The following TNR variants were observed in gnomAD, a reference collection of about 807,000 sequenced individuals.
TNR encodes the protein tenascin-R.
TNR carries 45 observed loss-of-function variants against 150.4 expected under a neutral mutation model. The observed-to-expected ratio is 0.30, with a 90% CI of 0.24 to 0.38. The LOEUF (loss-of-function observed/expected upper bound fraction) is 0.38. Ranked by LOEUF, TNR falls within the 10% of genes least tolerant of loss-of-function variation. The pLI, the probability that TNR is intolerant of heterozygous loss-of-function variation, is 1.00. For synonymous variants in TNR, 687 were observed against 678.4 expected (o/e 1.01, Z -0.20); for missense variants, 1,544 against 1,759.1 (o/e 0.88, Z 2.19).
chr1:175,607,112 A>G (rs1663434402), intron 1 of TNR, among the ~76,000 whole-genome samples: 1 of 152,214 alleles, frequency 6.6e-6, no homozygotes, highest in Admixed American at 6.5e-5. Context: ...TTAACAAAAC[A>G]TCCATCTATC....
At chr1:175,697,591 T>C (rs1173190824) in intron 1 of TNR, among the ~76,000 whole-genome samples, 1 of 152,164 alleles carries the variant, frequency 6.6e-6, no homozygotes, top group Non-Finnish European at 1.5e-5. Context: ...CCTTCTTTAC[T>C]GCACTTTGAT....
intron 1 of TNR, among the ~76,000 whole-genome samples, chr1:175,541,075 A>G (rs1660482832): frequency 6.6e-6 from 1 of 152,130 alleles, no homozygotes. Context: ...ATCTGCATAG[A>G]AACACCAGCC....
chr1:175,357,804 C>A (rs183008172), intron 15 of TNR, among the ~76,000 whole-genome samples: 3 of 152,322 alleles, frequency 2.0e-5, no homozygotes, highest in Non-Finnish European at 2.9e-5. Flanking sequence ...TTCTCTGCAA[C>A]ATCATTAGAA....
intron 9 of TNR, among the ~76,000 whole-genome samples, chr1:175,368,962 C>A (rs1488430962): frequency 6.6e-6 from 1 of 151,982 alleles, no homozygotes; most frequent in Non-Finnish European, 1.5e-5. Flanking sequence ...AAAACAAAAA[C>A]AAACAAACAA....
rs563985234 is a variant in TNR, at chr1:175,318,563, T to C, written c.*4794A>G. ...CTCATCTGGACTGGTAGTGTCCAAA[T>C]GACCCAGTATTGTTGAAGAAAGCTT... On this transcript the variant is annotated 3_prime_UTR_variant, in exon 23 of 23. Coordinates refer to ENST00000367674, the MANE Select transcript of TNR (RefSeq NM_003285.3). 6.6e-6 allele frequency: 1 copy of C among 152,252 alleles called. No individual in the cohort carries two copies. Among genetic ancestry groups the C allele is most frequent in the Non-Finnish European group, 1.5e-5 (1 of 68,050 alleles). 9.4% of individuals were successfully genotyped at this position (152,252 alleles called of 1,614,324 possible).
intron 2 of TNR, among the ~76,000 whole-genome samples, chr1:175,438,493 A>G (rs567881043): frequency 1.3e-5 from 2 of 152,058 alleles, no homozygotes; most frequent in Non-Finnish European, 2.9e-5. Context: ...CTCTCTCACC[A>G]CTCCTATTCA....
chr1:175,437,958 A>T (rs913761653), intron 2 of TNR, among the ~76,000 whole-genome samples: 1 of 152,242 alleles, frequency 6.6e-6, no homozygotes, highest in African/African-American at 2.4e-5. Flanking sequence ...TACAAGGAGG[A>T]GCTGGTACCA....
intron 2 of TNR, among the ~76,000 whole-genome samples, chr1:175,500,085 G>C (rs1658667817): frequency 6.6e-6 from 1 of 152,170 alleles, no homozygotes; most frequent in Non-Finnish European, 1.5e-5. Context: ...CTTGAGACTT[G>C]AACCAAATGG....
chr1:175,683,142 G>T lies in TNR; in HGVS notation c.-165+60084C>A, dbSNP rs182422877. Reference sequence around the variant, plus strand: ...GAATGACTTTGTGCACTGGTCAAAAGATCCCAAGGAGGATCTGCTTAGAGC... The same window carrying T: ...GAATGACTTTGTGCACTGGTCAAAATATCCCAAGGAGGATCTGCTTAGAGC... On this transcript the variant is annotated intron_variant, in intron 1 of 22. Transcript: ENST00000367674. Among the ~76,000 whole-genome samples, 353 of 152,200 alleles carry T rather than the reference G, an allele frequency of 2.3e-3. 2 individuals are homozygous for T. The highest frequency in any genetic ancestry group is 4.3e-3 in the Non-Finnish European group (291 of 68,020).
At chr1:175,495,007 A>G (rs1048419004) in intron 2 of TNR, among the ~76,000 whole-genome samples, 1 of 152,142 alleles carries the variant, frequency 6.6e-6, no homozygotes, top group Non-Finnish European at 1.5e-5. Context: ...CTATTAGCTC[A>G]CACACTGTCT....
At chr1:175,677,079 A>T (rs184075989) in intron 1 of TNR, among the ~76,000 whole-genome samples, 139 of 152,256 alleles carry the variant, frequency 9.1e-4, no homozygotes, top group African/African-American at 3.2e-3. Flanking sequence ...TGCTTTTTCT[A>T]CTTCTCCCTT....
At chr1:175,627,441 T>G (rs1409254364) in intron 1 of TNR, among the ~76,000 whole-genome samples, 1 of 152,186 alleles carries the variant, frequency 6.6e-6, no homozygotes, top group African/African-American at 2.4e-5. Context: ...CTTTATAAAT[T>G]TCCATATACT....
intron 2 of TNR, among the ~76,000 whole-genome samples, chr1:175,494,913 A>T (rs764863832): frequency 1.3e-5 from 2 of 152,180 alleles, no homozygotes; most frequent in Non-Finnish European, 2.9e-5. Flanking sequence ...TCCTATAATG[A>T]ATCTAGATCC....
At chr1:175,586,227 A>T (rs1392761976) in intron 1 of TNR, among the ~76,000 whole-genome samples, 1 of 152,056 alleles carries the variant, frequency 6.6e-6, no homozygotes, top group Non-Finnish European at 1.5e-5. Context: ...GGGTAGGGGG[A>T]TTTGTAGTCA....
At chr1:175,330,323 G>A (rs1209988881) in intron 20 of TNR, 88 bp from the exon 21 acceptor site, 9 of 1,392,074 alleles carry the variant, frequency 6.5e-6, no homozygotes, top group African/African-American at 1.4e-5. Context: ...TTCAAAACAT[G>A]TTACAGGGAA....
intron 1 of TNR, among the ~76,000 whole-genome samples, chr1:175,727,549 G>A (rs1428459596): frequency 6.6e-6 from 1 of 152,178 alleles, no homozygotes; most frequent in Non-Finnish European, 1.5e-5. Flanking sequence ...AGAGTCAAGA[G>A]AGGCTTTCAC....
intron 2 of TNR, among the ~76,000 whole-genome samples, chr1:175,469,409 A>G (rs1657177723): frequency 6.6e-6 from 1 of 152,186 alleles, no homozygotes; most frequent in Non-Finnish European, 1.5e-5. Context: ...AACTATCACT[A>G]GTAGCAAATG....
At chr1:175,381,374 A>C (rs898063835) in intron 8 of TNR, among the ~76,000 whole-genome samples, 4 of 152,170 alleles carry the variant, frequency 2.6e-5, no homozygotes, top group African/African-American at 9.7e-5. Flanking sequence ...GGAAATGTTA[A>C]ACTATGGTTT....
chr1:175,656,612 G>C (rs1665186347), intron 1 of TNR: 1 of 152,636 alleles, frequency 6.6e-6, no homozygotes, highest in Non-Finnish European at 1.5e-5. Context: ...GGTCCAGGCT[G>C]GGGGTGGGAG....
Sources: gnomAD v4.1 joint callset for allele counts (sites outside exome capture counted in the v4.1 genomes callset) on GRCh38, gnomAD v4.1.1 for gene constraint, MANE v1.5 for transcripts, NCBI Gene and HGNC (gene_info 2026-07-23, HGNC 2026-07-21) for gene names.